Variants in KCNC1 observed in about 807,000 individuals in gnomAD.
KCNC1 encodes voltage-gated potassium channel KCNC1.
KCNC1 carries 8 observed loss-of-function variants against 43.4 expected under a neutral mutation model. The ratio of observed to expected loss-of-function variants is 0.18; its 90% CI spans 0.11 to 0.33. The LOEUF (loss-of-function observed/expected upper bound fraction) is 0.33, where lower values mean the gene tolerates loss of function less well. KCNC1 is among the 10% of genes least tolerant of loss of function. The pLI is 1.00. For missense variants in KCNC1, 420 were observed against 836.0 expected, an observed-to-expected ratio of 0.50 and a Z score of 6.14; for synonymous variants, 361 against 360.5, an observed-to-expected ratio of 1.00 and a Z score of -0.01.
At chr11:17,778,203 C>A (rs1198732339) in intron 2 of KCNC1, among the ~76,000 whole-genome samples, 1 of 152,202 alleles carries the variant, frequency 6.6e-6, no homozygotes, top group Non-Finnish European at 1.5e-5. Flanking sequence ...GGGGCAAAGG[C>A]CAGTCAGGGC....
chr11:17,754,830 T>C (rs1849006382), intron 1 of KCNC1, among the ~76,000 whole-genome samples: 2 of 152,214 alleles, frequency 1.3e-5, no homozygotes, highest in Non-Finnish European at 2.9e-5. Context: ...ACTGGATACT[T>C]ACAACAGAGA....
intron 1 of KCNC1, among the ~76,000 whole-genome samples, chr11:17,748,142 C>CAGG (rs1415106021): frequency 6.6e-6 from 1 of 152,214 alleles, no homozygotes; most frequent in African/African-American, 2.4e-5. Context: ...ATGACAGAGG[C>CAGG]AGGAGCCCAG....
At position 17,736,513 on chromosome 11, in the gene KCNC1, C is replaced by T. The variant is rs1286632713; in HGVS notation, c.511C>T (p.Arg171Cys). Residue 171 changes from arginine (R) to cysteine (C), a missense_variant, in exon 1 of 4, where the codon CGC becomes TGC. This residue lies in a region of KCNC1 where 151 missense variants were observed against 216.7 expected (regional missense o/e 0.70). Coordinates refer to ENST00000265969, the MANE Select transcript of KCNC1 (RefSeq NM_001112741.2). The surrounding 1 kb of genome is among the most constrained non-coding windows in gnomAD (Gnocchi z 9.3). ...TGGCCGGCCTGGCGGCTTTTGGCGC[C>T]GCTGGCAGCCGCGCATCTGGGCGCT... is the stretch of plus-strand genomic sequence containing the variant. ...PDGRPGGFWR[R>C]WQPRIWALFE... 6.3e-6 allele frequency: 10 copies of T among 1,585,696 alleles called. No individual in the cohort carries two copies. Among genetic ancestry groups the T allele is most frequent in the African/African-American group, 1.3e-5 (1 of 74,114 alleles).
At position 17,779,407 on chromosome 11, in the gene KCNC1, C is replaced by G. The variant is rs927095758; in HGVS notation, c.1505-49C>G. On this transcript the variant is annotated intron_variant, in intron 2 of 3. Coordinates refer to ENST00000265969, the MANE Select transcript of KCNC1 (RefSeq NM_001112741.2). This position sits in a 1 kb window ranked among gnomAD's most constrained non-coding sequence, Gnocchi z 7.2. ...TTCTGGCCTGTCCCCCCCTGCCCCC[C>G]ACTAAACAGTTTTCAGTGTCTCAAT... 13 of 1,408,902 alleles carry G rather than the reference C, an allele frequency of 9.2e-6. No homozygotes were observed. The East Asian group carries it at 2.8e-4, about 30-fold the overall frequency. The allele number at this position is 1,408,902 out of a possible 1,614,324, so 87.3% of individuals were successfully genotyped here. A position where few individuals can be genotyped will look rare whatever the true frequency, so the allele number is the denominator to read the frequency against.
At position 17,736,197 on chromosome 11, in the gene KCNC1, G is replaced by A. The variant is rs751803670; in HGVS notation, c.195G>A (p.Ala65=). Residue 65 remains alanine, a synonymous_variant, in exon 1 of 4, where the codon GCG becomes GCA. Transcript: ENST00000265969. The surrounding 1 kb of genome is among the most constrained non-coding windows in gnomAD (Gnocchi z 9.3). ...FFFDRHPGVF[A]HILNYYRTGK... is the part of the protein sequence containing the mutation. ...TCGACCGCCACCCCGGCGTCTTCGC[G>A]CACATCCTGAACTACTACCGCACGG... 5 of 1,613,764 alleles carry A rather than the reference G, an allele frequency of 3.1e-6. No individual in the cohort carries two copies. In the Admixed American group the frequency reaches 5.0e-5, roughly 16 times the overall value.
intron 1 of KCNC1, among the ~76,000 whole-genome samples, chr11:17,753,366 C>G (rs1201505510): frequency 6.6e-6 from 1 of 152,214 alleles, no homozygotes; most frequent in Non-Finnish European, 1.5e-5. Flanking sequence ...GAGTCTGGAG[C>G]CTGGAGAATG....
chr11:17,761,230 A>C (rs889487839), intron 1 of KCNC1, among the ~76,000 whole-genome samples: 2 of 152,272 alleles, frequency 1.3e-5, no homozygotes, highest in African/African-American at 4.8e-5. Context: ...TGGTCCCTTA[A>C]CAGGCAAGTG....
chr11:17,764,521 C>T (rs1033691523), intron 1 of KCNC1, among the ~76,000 whole-genome samples: 7 of 152,168 alleles, frequency 4.6e-5, no homozygotes, highest in Admixed American at 2.0e-4. Flanking sequence ...CTACCTACCC[C>T]GCTAACACTC....
At chr11:17,765,626 G>A (rs55748057) in intron 1 of KCNC1, among the ~76,000 whole-genome samples, 3 of 152,104 alleles carry the variant, frequency 2.0e-5, no homozygotes, top group African/African-American at 4.8e-5. Flanking sequence ...ATTTGGTTTG[G>A]GGGGAGAAAA....
intron 1 of KCNC1, among the ~76,000 whole-genome samples, chr11:17,763,500 C>T (rs965078441): frequency 6.6e-6 from 1 of 151,598 alleles, no homozygotes; most frequent in South Asian, 2.1e-4. Flanking sequence ...GCCCCCCACA[C>T]ACACTCCCCA....
At position 17,742,871 on chromosome 11, in the gene KCNC1, C is replaced by T. The variant is rs1323554559; in HGVS notation, c.570+6299C>T. ...AGTTTTACAAGAACACCAAACCCCA[C>T]CTGGGCGTGCTGTTCTTCTCTTATC... On this transcript the variant is annotated intron_variant, in intron 1 of 3. Coordinates refer to ENST00000265969, the MANE Select transcript of KCNC1 (RefSeq NM_001112741.2). This position sits in a 1 kb window ranked among gnomAD's most constrained non-coding sequence, Gnocchi z 4.2. 2.6e-5 allele frequency among the ~76,000 whole-genome samples: 4 copies of T among 152,170 alleles called. No homozygotes were observed. The highest frequency in any genetic ancestry group is 7.2e-5 in the African/African-American group (3 of 41,432).
At chr11:17,754,540 C>T (rs771948570) in intron 1 of KCNC1, among the ~76,000 whole-genome samples, 1 of 152,172 alleles carries the variant, frequency 6.6e-6, no homozygotes, top group African/African-American at 2.4e-5. Context: ...AACCATTGTG[C>T]CCATTATGCA....
intron 1 of KCNC1, among the ~76,000 whole-genome samples, chr11:17,768,166 G>T (rs147695807): frequency 6.9e-4 from 105 of 152,304 alleles, no homozygotes; most frequent in African/African-American, 2.4e-3. Context: ...ACTCCCTTCA[G>T]TTGCTGTCTC....
Position 17,779,640 on chromosome 11 carries a change from A to G in KCNC1, c.1689A>G (p.Arg563=), listed in dbSNP as rs1490905406. ...CGTGCCCACCTGGTGGAGGAATGAG[A>G]AAGGGTATGTAGAGGAAGCTGGAGC... ...EYACPPGGGM[R]KDLCKESPVI... is the part of the protein sequence containing the mutation. The change falls in exon 3 of 4, where the codon AGA becomes AGG. Residue 563 remains arginine, a synonymous_variant. Transcript: ENST00000265969. This position sits in a 1 kb window ranked among gnomAD's most constrained non-coding sequence, Gnocchi z 7.2. The G allele has an allele frequency of 5.8e-6, 9 of 1,545,548 alleles. No individual in the cohort carries two copies. Among genetic ancestry groups the G allele is most frequent in the Non-Finnish European group, 7.9e-6 (9 of 1,144,310 alleles).
chr11:17,748,610 T>C (rs1380228166), intron 1 of KCNC1, among the ~76,000 whole-genome samples: 3 of 152,022 alleles, frequency 2.0e-5, no homozygotes, highest in African/African-American at 7.3e-5. Context: ...ATAAAATAAT[T>C]TTTAAAAGAA....
chr11:17,780,325 T>C (rs1344525741), intron 3 of KCNC1: 1 of 152,660 alleles, frequency 6.6e-6, no homozygotes, highest in Non-Finnish European at 1.5e-5. Flanking sequence ...CCTCTTGTGG[T>C]TGGCGAAGGC....
intron 1 of KCNC1, among the ~76,000 whole-genome samples, chr11:17,760,470 G>A (rs1057510439): frequency 2.0e-5 from 3 of 152,206 alleles, no homozygotes; most frequent in Non-Finnish European, 4.4e-5. Context: ...CAGGAGGAAG[G>A]CTCAGTCCAC....
chr11:17,759,997 T>C (rs868201732), intron 1 of KCNC1, among the ~76,000 whole-genome samples: 7 of 152,140 alleles, frequency 4.6e-5, no homozygotes, highest in Non-Finnish European at 7.3e-5. Context: ...TGTCTGCATA[T>C]CCTATATGGA....
At chr11:17,778,738 A>C (rs896689118) in intron 2 of KCNC1, among the ~76,000 whole-genome samples, 2 of 151,724 alleles carry the variant, frequency 1.3e-5, no homozygotes, top group African/African-American at 2.4e-5. Flanking sequence ...TGACTGGACC[A>C]GGTCTGTGTG....
Sources: allele counts gnomAD v4.1 joint callset (sites outside exome capture counted in the v4.1 genomes callset), GRCh38; gene constraint gnomAD v4.1.1; regional missense constraint gnomAD v4.1.1; non-coding constraint Gnocchi (gnomAD v3.1); transcripts MANE v1.5; gene names NCBI Gene and HGNC (gene_info 2026-07-23, HGNC 2026-07-21).